The following MYT1L variants were observed in gnomAD, a reference collection of about 807,000 sequenced individuals.
MYT1L encodes myelin transcription factor 1-like protein.
In MYT1L, 12 loss-of-function variants were observed where a neutral mutation model predicts 126.7. The observed-to-expected ratio is 0.09, with a 90% confidence interval of 0.06 to 0.15. The LOEUF (loss-of-function observed/expected upper bound fraction) is 0.15. MYT1L is among the 10% of genes least tolerant of loss of function. The pLI, the probability that MYT1L is intolerant of heterozygous loss-of-function variation, is 1.00. For synonymous variants in MYT1L, 541 were observed against 604.2 expected (o/e 0.90, Z 1.53); for missense variants, 979 against 1,585.2 (o/e 0.62, Z 6.49).
At chr2:2,044,037 A>G (rs1176992088) in intron 4 of MYT1L, among the ~76,000 whole-genome samples, 1 of 152,128 alleles carries the variant, frequency 6.6e-6, no homozygotes, top group Non-Finnish European at 1.5e-5. Flanking sequence ...TTCATTTTTA[A>G]TTTAACTGAT....
At chr2:1,957,966 C>A (rs2058643802) in intron 8 of MYT1L, among the ~76,000 whole-genome samples, 1 of 152,166 alleles carries the variant, frequency 6.6e-6, no homozygotes, top group Admixed American at 6.5e-5. Context: ...AGCTGGGCCC[C>A]AAGCAGGGAG....
rs1255885300 is a variant in MYT1L at position 2,160,021 on chromosome 2, T to C, written c.-304+12851A>G. 2.6e-5 allele frequency among the ~76,000 whole-genome samples: 4 copies of C among 152,246 alleles called. No homozygotes were observed. The East Asian group carries it at 7.8e-4, about 30-fold the overall frequency. ...GTGGCCATGGGTGAGCGGCAACCCA[T>C]GTCTCTCTGTGTCTCAGTTTCCTCG... On this transcript the variant is annotated intron_variant, in intron 3 of 24. Coordinates refer to ENST00000647738, the MANE Select transcript of MYT1L (RefSeq NM_001303052.2).
chr2:2,317,850 G>T (rs561845682), intron 1 of MYT1L, among the ~76,000 whole-genome samples: 35 of 152,146 alleles, frequency 2.3e-4, no homozygotes, highest in African/African-American at 7.7e-4. Flanking sequence ...CCTCCTGACC[G>T]TGCCCTTAGT....
rs530978184 is a variant in MYT1L, at chr2:2,251,756, A to C, written c.-421+32648T>G. On this transcript the variant is annotated intron_variant, in intron 2 of 24. Coordinates refer to ENST00000647738, the MANE Select transcript of MYT1L (RefSeq NM_001303052.2). ...CTGTTTTGAAAAATGCCTTATTCTCAAAGAAAATTTACCCACAACTAATAC... is the reference window on the plus strand; with the variant it reads ...CTGTTTTGAAAAATGCCTTATTCTCCAAGAAAATTTACCCACAACTAATAC... Among the ~76,000 whole-genome samples the C allele has an allele frequency of 2.0e-5, 3 of 152,192 alleles. No homozygotes were observed. The South Asian group carries it at 6.2e-4, about 32-fold the overall frequency.
At chr2:2,032,677 C>G (rs536373655) in intron 4 of MYT1L, among the ~76,000 whole-genome samples, 12 of 126,852 alleles carry the variant, frequency 9.5e-5, no homozygotes, top group Non-Finnish European at 1.1e-4. Context: ...ACACACACCC[C>G]TCGCAAGTGC....
chr2:1,935,559 T>C (rs780528016), intron 9 of MYT1L, among the ~76,000 whole-genome samples: 2 of 152,204 alleles, frequency 1.3e-5, no homozygotes, highest in Non-Finnish European at 2.9e-5. Context: ...CTCAATCGTT[T>C]TTATATTCTG....
chr2:1,830,856 C>T (rs983699810), intron 21 of MYT1L, among the ~76,000 whole-genome samples: 3 of 152,166 alleles, frequency 2.0e-5, no homozygotes, highest in African/African-American at 7.2e-5. Flanking sequence ...CAGGATCCTC[C>T]AAATTCCACA....
At chr2:2,215,970 A>T (rs1448272285) in intron 2 of MYT1L, among the ~76,000 whole-genome samples, 1 of 151,980 alleles carries the variant, frequency 6.6e-6, no homozygotes, top group Admixed American at 6.6e-5. Context: ...AGATCTGGTC[A>T]TTTAAAAATG....
intron 4 of MYT1L, among the ~76,000 whole-genome samples, chr2:1,998,105 T>G (rs1363125489): frequency 6.6e-6 from 1 of 152,118 alleles, no homozygotes; most frequent in African/African-American, 2.4e-5. Context: ...GAGACACGGG[T>G]CAGGGAATTT....
chr2:1,886,291 A>T (rs1666001900), intron 18 of MYT1L: 2 of 369,202 alleles, frequency 5.4e-6, no homozygotes, highest in Non-Finnish European at 9.6e-6. Flanking sequence ...CCCATGCTTT[A>T]GGATATCCCA....
intron 22 of MYT1L, among the ~76,000 whole-genome samples, chr2:1,804,824 G>T (rs770322042): frequency 2.6e-5 from 4 of 152,216 alleles, no homozygotes; most frequent in African/African-American, 9.6e-5. Context: ...TGAAGTTCCT[G>T]ACAAAGCGCT....
At chr2:1,871,779 A>G (rs12714315) in intron 18 of MYT1L, among the ~76,000 whole-genome samples, 60,947 of 152,000 alleles carry the variant, frequency 0.4, 15,236 homozygotes, top group African/African-American at 0.72. Context: ...ATGATAACAC[A>G]ACATTCTGAA....
In MYT1L at chr2:1,889,430, C is replaced by G; in HGVS notation, c.2331G>C (p.Met777Ile). ...VDENGTLDLSMNKQRPRDSCC... is the reference protein window; with the variant it reads ...VDENGTLDLSINKQRPRDSCC... The stretch of plus-strand genomic sequence containing the variant: ...AGCTGTCCCGCGGCCTCTGCTTGTT[C>G]ATGCTGAGGTCCAGGGTCCCGTTCT... Residue 777 changes from methionine to isoleucine, a missense_variant, in exon 16 of 25, where the codon ATG (methionine) becomes ATC (isoleucine). Physicochemically the swap from Met to Ile is conservative, Grantham distance 10. Coordinates refer to ENST00000647738, the MANE Select transcript of MYT1L (RefSeq NM_001303052.2). The surrounding 1 kb of genome is among the most constrained non-coding windows in gnomAD (Gnocchi z 4.1). The G allele has an allele frequency of 6.2e-7, 1 of 1,613,196 alleles. No homozygotes were observed. Among genetic ancestry groups the G allele is most frequent in the Non-Finnish European group, 8.5e-7 (1 of 1,179,376 alleles).
At chr2:2,264,411 AT>A (rs1490011791) in intron 2 of MYT1L, among the ~76,000 whole-genome samples, 1 of 152,154 alleles carries the variant, frequency 6.6e-6, no homozygotes, top group East Asian at 1.9e-4. Context: ...CCCAAAAAAA[AT>A]CCCAGAATAA....
intron 2 of MYT1L, among the ~76,000 whole-genome samples, chr2:2,188,608 C>G (rs1233412101): frequency 6.6e-6 from 1 of 152,148 alleles, no homozygotes; most frequent in Admixed American, 6.5e-5. Flanking sequence ...ATAATGAAAG[C>G]CAGGGTGCAG....
At chr2:2,085,293 G>A (rs971899570) in intron 3 of MYT1L, among the ~76,000 whole-genome samples, 1 of 152,040 alleles carries the variant, frequency 6.6e-6, no homozygotes, top group Non-Finnish European at 1.5e-5. Context: ...AAATCCTCTA[G>A]AGACCCCCAC....
At chr2:2,037,250 C>T (rs1017713276) in intron 4 of MYT1L, among the ~76,000 whole-genome samples, 4 of 152,154 alleles carry the variant, frequency 2.6e-5, no homozygotes, top group Non-Finnish European at 5.9e-5. Flanking sequence ...TGGTTTCTGC[C>T]AACCTTTCTA....
rs189533878 is a variant in MYT1L, at chr2:2,263,197, T to A, written c.-421+21207A>T. 2.7e-3 allele frequency among the ~76,000 whole-genome samples: 414 copies of A among 151,868 alleles called. 2 individuals carry two copies. Among genetic ancestry groups the A allele is most frequent in the Admixed American group, 4.5e-3 (68 of 15,254 alleles). ...TTTTTGATGAATTAATTGATTAGGATTCCCATAAACAGTCTTCTTTCAGCA... is the reference window on the plus strand; with the variant it reads ...TTTTTGATGAATTAATTGATTAGGAATCCCATAAACAGTCTTCTTTCAGCA... On this transcript the variant is annotated intron_variant, in intron 2 of 24. Transcript: ENST00000647738.
intron 21 of MYT1L, among the ~76,000 whole-genome samples, chr2:1,815,348 G>A (rs1365082892): frequency 2.0e-5 from 3 of 152,078 alleles, no homozygotes; most frequent in East Asian, 1.9e-4. Context: ...CCTCTCTGTC[G>A]CTGGGGTCCC....
Sources: gnomAD v4.1 joint callset for allele counts (sites outside exome capture counted in the v4.1 genomes callset) on GRCh38, gnomAD v4.1.1 for gene constraint, Gnocchi (gnomAD v3.1) non-coding constraint, MANE v1.5 for transcripts, NCBI Gene and HGNC (gene_info 2026-07-23, HGNC 2026-07-21) for gene names.